The following VEPH1 variants were observed in gnomAD, a reference collection of about 807,000 sequenced individuals.
VEPH1 encodes the protein ventricular zone-expressed PH domain-containing protein homolog 1.
VEPH1 carries 80 observed loss-of-function variants against 85.2 expected under a neutral mutation model. The ratio of observed to expected loss-of-function variants is 0.94; its 90% CI spans 0.78 to 1.13. VEPH1 has a LOEUF of 1.13. Among genes scored for constraint, VEPH1 ranks in the 50% most tolerant of loss-of-function variants. The pLI, the probability that VEPH1 is intolerant of heterozygous loss-of-function variation, is 0.00. For missense variants in VEPH1, 955 were observed against 980.5 expected, an observed-to-expected ratio of 0.97 and a Z score of 0.35; for synonymous variants, 297 against 348.0, an observed-to-expected ratio of 0.85 and a Z score of 1.63.
chr3:157,298,761 A>G (rs930937454), intron 11 of VEPH1, among the ~76,000 whole-genome samples: 1 of 152,240 alleles, frequency 6.6e-6, no homozygotes, highest in Non-Finnish European at 1.5e-5. Context: ...ATGGAACATA[A>G]TTAGATTCTA....
chr3:157,482,426 A>G (rs1738197328), intron 2 of VEPH1, among the ~76,000 whole-genome samples: 1 of 152,132 alleles, frequency 6.6e-6, no homozygotes, highest in Non-Finnish European at 1.5e-5. Flanking sequence ...GGGTTTCACC[A>G]TGTTGGCCAG....
intron 4 of VEPH1, chr3:157,442,884 A>T: frequency 1.1e-5 from 18 of 1,614,140 alleles, no homozygotes; most frequent in Non-Finnish European, 1.4e-5. Context: ...GATAAGAGAG[A>T]CCGGAGGAGC....
intron 9 of VEPH1, among the ~76,000 whole-genome samples, chr3:157,324,217 G>A (rs1044080998): frequency 2.6e-5 from 4 of 151,960 alleles, no homozygotes; most frequent in African/African-American, 9.7e-5. Context: ...CACCATGCCT[G>A]GCTAATTTTT....
intron 6 of VEPH1, among the ~76,000 whole-genome samples, chr3:157,386,097 A>G (rs1016677365): frequency 6.6e-6 from 1 of 152,092 alleles, no homozygotes; most frequent in Admixed American, 6.6e-5. Context: ...TGCAAGCTCA[A>G]ATTGTATCAC....
Position 157,470,781 on chromosome 3 carries a change from A to C in VEPH1, c.139-252T>G, listed in dbSNP as rs1736871135. Among the ~76,000 whole-genome samples, 4 of 152,198 alleles carry C rather than the reference A, an allele frequency of 2.6e-5. No homozygotes were observed. The South Asian group carries it at 8.3e-4, about 32-fold the overall frequency. On this transcript the variant is annotated intron_variant, in intron 2 of 13. Coordinates refer to ENST00000362010, the MANE Select transcript of VEPH1 (RefSeq NM_001167912.2). Reference sequence around the variant, plus strand: ...TAGACAGGGATCCCTGAGAGTACACAGGCGCTTAACTATTCACTTGCAAGT... The same window carrying C: ...TAGACAGGGATCCCTGAGAGTACACCGGCGCTTAACTATTCACTTGCAAGT...
At position 157,428,471 on chromosome 3, in the gene VEPH1, T is replaced by C. The variant is rs1326264964; in HGVS notation, c.547A>G (p.Arg183Gly). ...SILQGNTMLL[R>G]VLPAVYEKQP... is the part of the protein sequence containing the mutation. ...TTTTCATACACAGCAGGTAACACTC[T>C]CAACAACATGGTGTTACCTGTTGAG... Residue 183 changes from arginine (R) to glycine (G), a missense_variant, in exon 5 of 14, where the codon AGA becomes GGA. Arg to Gly is a moderately radical substitution (Grantham distance 125, BLOSUM62 -2). Coordinates refer to ENST00000362010, the MANE Select transcript of VEPH1 (RefSeq NM_001167912.2). The C allele has an allele frequency of 6.2e-7, 1 of 1,613,794 alleles. No homozygotes were observed. The highest frequency in any genetic ancestry group is 2.2e-5 in the East Asian group (1 of 44,872).
At chr3:157,281,350 A>G (rs1716090654) in intron 12 of VEPH1, among the ~76,000 whole-genome samples, 1 of 152,206 alleles carries the variant, frequency 6.6e-6, no homozygotes, top group African/African-American at 2.4e-5. Context: ...GTTCAATTTT[A>G]CATAATCAAT....
At chr3:157,452,063 GA>G (rs748700324) in intron 4 of VEPH1, among the ~76,000 whole-genome samples, 7 of 152,246 alleles carry the variant, frequency 4.6e-5, no homozygotes, top group Non-Finnish European at 8.8e-5. Context: ...AGAAATCAAA[GA>G]TGTGATTGTG....
intron 6 of VEPH1, among the ~76,000 whole-genome samples, chr3:157,411,122 G>A (rs1731498629): frequency 6.6e-6 from 1 of 152,154 alleles, no homozygotes; most frequent in Non-Finnish European, 1.5e-5. Flanking sequence ...GATGCAATGG[G>A]TGGAGACAGT....
Position 157,364,509 on chromosome 3 carries a change from T to C in VEPH1, c.1131A>G (p.Arg377=). The part of the protein sequence containing the change: ...LENTKAGSGR[R]KISTEIEFPE... ...GGAATTCAATTTCAGTGCTGATTTT[T>C]CTCCTAAAGGAATATAAATCATTGC... Residue 377 remains arginine, a synonymous_variant, in exon 8 of 14, where the codon AGA becomes AGG. Transcript: ENST00000362010. 1.9e-6 allele frequency: 3 copies of C among 1,613,402 alleles called. No individual in the cohort carries two copies. The highest frequency in any genetic ancestry group is 2.5e-6 in the Non-Finnish European group (3 of 1,179,646).
chr3:157,272,375 T>TC (rs1553754689), intron 12 of VEPH1, among the ~76,000 whole-genome samples: 3 of 95,038 alleles, frequency 3.2e-5, no homozygotes, highest in South Asian at 4.1e-4. Flanking sequence ...TTTCTCTTTC[T>TC]TTTCTTTCTT....
chr3:157,477,006 G>A (rs1326675449), intron 2 of VEPH1, among the ~76,000 whole-genome samples: 1 of 152,176 alleles, frequency 6.6e-6, no homozygotes, highest in Non-Finnish European at 1.5e-5. Flanking sequence ...ATCCAGAAGA[G>A]GTTGTAAAGG....
chr3:157,369,625 G>A (rs1182369227), intron 7 of VEPH1, among the ~76,000 whole-genome samples: 1 of 152,196 alleles, frequency 6.6e-6, no homozygotes, highest in African/African-American at 2.4e-5. Context: ...TTTGCTGGCA[G>A]GGAGGTAGGA....
chr3:157,443,167 G>T, intron 4 of VEPH1: 1 of 654,562 alleles, frequency 1.5e-6, no homozygotes, highest in Non-Finnish European at 2.4e-6. Context: ...ATTGGAAAAA[G>T]CTTTTGAGGA....
rs146047352 is a variant in VEPH1, at chr3:157,261,300, C to T, written c.2336G>A (p.Arg779His). The change falls in exon 14 of 14, where the codon CGC becomes CAC. Residue 779 changes from arginine to histidine, a missense_variant. Physicochemically the swap from Arg to His is conservative, Grantham distance 29. Coordinates refer to ENST00000362010, the MANE Select transcript of VEPH1 (RefSeq NM_001167912.2). ...AGCCCGGGGGAGAGAGCGGTCCCTG[C>T]GTTTCTTGGCCACAGCCTTCACACT... ...VQSVKAVAKK[R>H]RDRSLPRAFE... 238 of 1,613,658 alleles carry T rather than the reference C, an allele frequency of 1.5e-4. No individual in the cohort carries two copies. The highest frequency in any genetic ancestry group is 3.6e-4 in the African/African-American group (27 of 75,004).
At chr3:157,270,848 G>A (rs1340566159) in intron 12 of VEPH1, among the ~76,000 whole-genome samples, 2 of 151,030 alleles carry the variant, frequency 1.3e-5, no homozygotes, top group Non-Finnish European at 3.0e-5. Flanking sequence ...GGTTTGGCAA[G>A]TGCCACCGAG....
chr3:157,327,486 A>C (rs548164778), intron 9 of VEPH1, among the ~76,000 whole-genome samples: 2 of 152,328 alleles, frequency 1.3e-5, no homozygotes, highest in South Asian at 4.1e-4. Flanking sequence ...TAAATTTTAT[A>C]ATATTACAAT....
At chr3:157,355,343 A>G (rs1208375410) in intron 9 of VEPH1, among the ~76,000 whole-genome samples, 1 of 152,240 alleles carries the variant, frequency 6.6e-6, no homozygotes, top group Non-Finnish European at 1.5e-5. Context: ...GAATGAATGA[A>G]GGCATAAATG....
chr3:157,457,186 TG>T (rs1225103427), intron 4 of VEPH1, among the ~76,000 whole-genome samples: 1 of 152,180 alleles, frequency 6.6e-6, no homozygotes, highest in Non-Finnish European at 1.5e-5. Context: ...GCTTGGCTAC[TG>T]GTGGTGTGTG....
Sources: allele counts gnomAD v4.1 joint callset (sites outside exome capture counted in the v4.1 genomes callset), GRCh38; gene constraint gnomAD v4.1.1; transcripts MANE v1.5; gene names NCBI Gene and HGNC (gene_info 2026-07-23, HGNC 2026-07-21).